Variants in BBS9 observed in about 807,000 individuals in gnomAD.
The protein encoded by BBS9 is Bardet-Biedl syndrome 9, also known as protein PTHB1.
Under a neutral mutation model 117.7 loss-of-function variants are expected in BBS9, and 89 were observed. The observed-to-expected ratio is 0.76, with a 90% CI of 0.64 to 0.90. The LOEUF (loss-of-function observed/expected upper bound fraction) is 0.90. BBS9 is among the 40% of genes least tolerant of loss of function. BBS9 has a pLI of 0.00. For synonymous variants in BBS9, 379 were observed against 370.9 expected (o/e 1.02, Z -0.25); for missense variants, 982 against 1,042.2 (o/e 0.94, Z 0.80).
At chr7:33,399,826 T>C (rs961268858) in intron 19 of BBS9, among the ~76,000 whole-genome samples, 8 of 152,182 alleles carry the variant, frequency 5.3e-5, no homozygotes, top group African/African-American at 9.6e-5. Flanking sequence ...GTGCAAAGTA[T>C]TATAACATTG....
chr7:33,611,149 A>G (rs1217641279), intron 21 of BBS9, among the ~76,000 whole-genome samples: 1 of 152,046 alleles, frequency 6.6e-6, no homozygotes, highest in Non-Finnish European at 1.5e-5. Context: ...ATTCTGTTTA[A>G]CAGGCTACAG....
chr7:33,488,811 C>T (rs1843467123), intron 19 of BBS9, among the ~76,000 whole-genome samples: 2 of 152,224 alleles, frequency 1.3e-5, no homozygotes, highest in South Asian at 4.2e-4. Flanking sequence ...TATCTCCTCT[C>T]AGTCTCTTCC....
At chr7:33,192,798 C>T (rs1458162081) in intron 5 of BBS9, among the ~76,000 whole-genome samples, 1 of 152,180 alleles carries the variant, frequency 6.6e-6, no homozygotes, top group East Asian at 1.9e-4. Context: ...GATGGCACCA[C>T]CTTGGTGTCC....
chr7:33,293,051 A>G (rs1804410817), intron 9 of BBS9, among the ~76,000 whole-genome samples: 1 of 151,972 alleles, frequency 6.6e-6, no homozygotes, highest in Non-Finnish European at 1.5e-5. Context: ...AGAAATTATT[A>G]GCGTTGACCT....
At chr7:33,621,714 AC>A (rs1444218505) in intron 21 of BBS9, among the ~76,000 whole-genome samples, 10 of 152,204 alleles carry the variant, frequency 6.6e-5, no homozygotes, top group African/African-American at 2.4e-4. Flanking sequence ...TCAAAGAGAT[AC>A]CTGTATTCCC....
chr7:33,613,218 G>T (rs755081569), intron 21 of BBS9, among the ~76,000 whole-genome samples: 187 of 152,204 alleles, frequency 1.2e-3, no homozygotes, highest in Admixed American at 2.4e-3. Flanking sequence ...TGGGGGGCCT[G>T]TCCCACCTGT....
chr7:33,439,704 T>G (rs1039686226), intron 19 of BBS9, among the ~76,000 whole-genome samples: 24 of 152,224 alleles, frequency 1.6e-4, no homozygotes, highest in African/African-American at 5.8e-4. Context: ...AATTTTTGTA[T>G]TTTTAGTAGA....
At chr7:33,496,738 CA>C (rs369714125) in intron 19 of BBS9, among the ~76,000 whole-genome samples, 38 of 152,268 alleles carry the variant, frequency 2.5e-4, no homozygotes, top group African/African-American at 8.9e-4. Context: ...ATAAGTTCAG[CA>C]CAGAGGTAAT....
chr7:33,273,906 G>A lies in BBS9; in HGVS notation c.966G>A (p.Trp322Ter), dbSNP rs928813600. 12 of 1,613,224 alleles carry A rather than the reference G, an allele frequency of 7.4e-6. No individual in the cohort carries two copies. In the African/African-American group the frequency reaches 1.3e-4, roughly 18 times the overall value. ...LHIYQDVTLK[W>*]ATQLPHIPVA... is the part of the protein sequence containing the mutation. ...TTTATCAAGATGTGACACTGAAGTG[G>A]GCCACCCAACTTCCCCACATTCCTG... Residue 322 changes from tryptophan (W) to a stop codon, truncating the protein, a stop_gained, in exon 9 of 23, where the codon TGG (tryptophan) becomes TGA (stop). Transcript: ENST00000242067. LOFTEE classifies it high-confidence loss of function.
At chr7:33,474,049 T>C (rs916096233) in intron 19 of BBS9, among the ~76,000 whole-genome samples, 5 of 152,230 alleles carry the variant, frequency 3.3e-5, no homozygotes, top group African/African-American at 1.2e-4. Context: ...ATTCAAATGA[T>C]TAAAATCCAA....
chr7:33,412,321 C>T (rs74316427), intron 19 of BBS9, among the ~76,000 whole-genome samples: 2 of 152,296 alleles, frequency 1.3e-5, no homozygotes, highest in East Asian at 3.9e-4. Context: ...ACTCCTGTGC[C>T]ACAGTGCTTA....
At chr7:33,272,710 A>G (rs1425748568) in intron 7 of BBS9, among the ~76,000 whole-genome samples, 1 of 152,132 alleles carries the variant, frequency 6.6e-6, no homozygotes, top group Non-Finnish European at 1.5e-5. Context: ...TGATTTGCAA[A>G]TTAAGCACAA....
chr7:33,591,534 A>G (rs1585392919), intron 21 of BBS9, among the ~76,000 whole-genome samples: 1 of 152,208 alleles, frequency 6.6e-6, no homozygotes, highest in Non-Finnish European at 1.5e-5. Context: ...CAACACCCGT[A>G]AAGTATTCAC....
chr7:33,286,750 G>C (rs1802980172), intron 9 of BBS9, among the ~76,000 whole-genome samples: 1 of 152,136 alleles, frequency 6.6e-6, no homozygotes, highest in Admixed American at 6.6e-5. Flanking sequence ...TTGAACTTTA[G>C]AACTTTGGAT....
At position 33,447,925 on chromosome 7, in the gene BBS9, T is replaced by C. The variant is rs76165939; in HGVS notation, c.2116-57538T>C. 7.0e-3 allele frequency among the ~76,000 whole-genome samples: 1,070 copies of C among 152,280 alleles called. 9 individuals are homozygous for C. Among genetic ancestry groups the C allele is most frequent in the African/African-American group, 0.024 (995 of 41,570 alleles). On this transcript the variant is annotated intron_variant, in intron 19 of 22. Coordinates refer to ENST00000242067, the MANE Select transcript of BBS9 (RefSeq NM_198428.3). Reference sequence around the variant, plus strand: ...ATTACTAGCAGGACTCCACTTTTGTTTGAGAAGTAGGGAGGCTAGTGGAGA... The same window carrying C: ...ATTACTAGCAGGACTCCACTTTTGTCTGAGAAGTAGGGAGGCTAGTGGAGA...
chr7:33,329,310 C>A (rs1304522986), intron 9 of BBS9, among the ~76,000 whole-genome samples: 1 of 152,058 alleles, frequency 6.6e-6, no homozygotes, highest in South Asian at 2.1e-4. Context: ...TGTGAGCCAC[C>A]GTGCCTGGCC....
chr7:33,269,354 A>T (rs1478236120), intron 7 of BBS9, among the ~76,000 whole-genome samples: 1 of 152,116 alleles, frequency 6.6e-6, no homozygotes, highest in Non-Finnish European at 1.5e-5. Flanking sequence ...TATTACTTTC[A>T]TATACAATAT....
At chr7:33,374,615 C>A (rs1352523740) in intron 17 of BBS9, among the ~76,000 whole-genome samples, 1 of 151,958 alleles carries the variant, frequency 6.6e-6, no homozygotes, top group African/African-American at 2.4e-5. Context: ...TTAAACCTAC[C>A]AAAAGGCCGG....
intron 1 of BBS9, among the ~76,000 whole-genome samples, chr7:33,130,634 G>A (rs1282405769): frequency 6.6e-6 from 1 of 151,898 alleles, no homozygotes; most frequent in Non-Finnish European, 1.5e-5. Flanking sequence ...ATAAGCTATG[G>A]GTCTTAAGTT....
Sources: allele counts gnomAD v4.1 joint callset (sites outside exome capture counted in the v4.1 genomes callset), GRCh38; gene constraint gnomAD v4.1.1; transcripts MANE v1.5; gene names NCBI Gene and HGNC (gene_info 2026-07-23, HGNC 2026-07-21).